The following VGLL3 variants were observed in gnomAD, a reference collection of about 807,000 sequenced individuals.
VGLL3 encodes the protein vestigial like family member 3, also known as transcription cofactor vestigial-like protein 3.
Under a neutral mutation model 29.2 loss-of-function variants are expected in VGLL3, and 18 were observed. The observed-to-expected ratio is 0.62, with a 90% CI of 0.43 to 0.91. The LOEUF (loss-of-function observed/expected upper bound fraction) is 0.91, where lower values mean the gene tolerates loss of function less well. VGLL3 is among the 40% of genes least tolerant of loss of function. The pLI, the probability that VGLL3 is intolerant of heterozygous loss-of-function variation, is 0.00. For missense variants in VGLL3, 440 were observed against 413.2 expected (o/e 1.06, Z -0.56); for synonymous variants, 180 against 151.8 (o/e 1.19, Z -1.36).
In VGLL3 at chr3:86,952,369, C is replaced by G. The variant is rs537246893; in HGVS notation, c.938-5302G>C. ...TCAGAGTCATAACCCACTAAATAAA[C>G]ATGCTCTACTTCTGAGAAAGTATAG... On this transcript the variant is annotated intron_variant, in intron 3 of 3. Transcript: ENST00000398399. Among the ~76,000 whole-genome samples the G allele has an allele frequency of 2.0e-5, 3 of 152,284 alleles. No homozygotes were observed. In the East Asian group the frequency reaches 5.8e-4, roughly 29 times the overall value.
chr3:86,966,920 C>T (rs985399816), intron 3 of VGLL3, among the ~76,000 whole-genome samples: 3 of 149,880 alleles, frequency 2.0e-5, no homozygotes, highest in African/African-American at 7.4e-5. Flanking sequence ...CAACTGGGTC[C>T]TCTCAAGAAT....
chr3:86,966,773 G>GTA (rs55986686), intron 3 of VGLL3, among the ~76,000 whole-genome samples: 576 of 37,896 alleles, frequency 0.015, 13 homozygotes, highest in Non-Finnish European at 0.018. Context: ...GTGTGTGTGT[G>GTA]TATATATATA....
At chr3:86,971,944 A>G (rs773682200) in intron 2 of VGLL3, among the ~76,000 whole-genome samples, 1 of 152,174 alleles carries the variant, frequency 6.6e-6, no homozygotes, top group Non-Finnish European at 1.5e-5. Flanking sequence ...CTAGAATCCT[A>G]TTATGAAAAC....
intron 1 of VGLL3, among the ~76,000 whole-genome samples, chr3:86,984,730 G>A (rs1705399874): frequency 6.6e-6 from 1 of 151,986 alleles, no homozygotes. Context: ...CAGAAATTAT[G>A]CAAAGACTTG....
intron 1 of VGLL3, among the ~76,000 whole-genome samples, chr3:86,989,535 T>C (rs1705534193): frequency 6.6e-6 from 1 of 152,170 alleles, no homozygotes. Context: ...ATACAGAAAG[T>C]AAAATGTCAG....
intron 1 of VGLL3, 62 bp from the exon 2 acceptor site, chr3:86,978,864 A>G: frequency 1.4e-6 from 2 of 1,476,800 alleles, no homozygotes; most frequent in South Asian, 2.8e-5. Context: ...TTCACTAGTT[A>G]AGTTTTCACT....
intron 3 of VGLL3, among the ~76,000 whole-genome samples, chr3:86,951,973 A>C (rs891522330): frequency 6.6e-6 from 1 of 152,176 alleles, no homozygotes; most frequent in Non-Finnish European, 1.5e-5. Flanking sequence ...TTGTATAGAG[A>C]ATGCCTGGAG....
In VGLL3 at chr3:86,991,038, T is replaced by A; in HGVS notation, c.-295A>T. 1.4e-6 allele frequency: 1 copy of A among 693,958 alleles called. No individual in the cohort carries two copies. The highest frequency in any genetic ancestry group is 1.8e-6 in the Non-Finnish European group (1 of 560,052). The allele number at this position is 693,958 out of a possible 1,614,324, so 43.0% of individuals were successfully genotyped here. On this transcript the variant is annotated 5_prime_UTR_variant, in exon 1 of 4. Transcript: ENST00000398399. ...GCCGCCCGCTGCGCCGCTGGGGCAT[T>A]ACCGCGTCCGGCTCCCGCGAGGGCT...
At chr3:86,952,436 T>C (rs979816487) in intron 3 of VGLL3, among the ~76,000 whole-genome samples, 3 of 152,160 alleles carry the variant, frequency 2.0e-5, no homozygotes, top group African/African-American at 4.8e-5. Flanking sequence ...TTAAGTAAGT[T>C]GAATATGCTT....
intron 3 of VGLL3, chr3:86,962,245 C>G: frequency 1.0e-6 from 1 of 985,394 alleles, no homozygotes; most frequent in Non-Finnish European, 1.2e-6. Flanking sequence ...GTATGTAATA[C>G]CTGTTCAACA....
chr3:86,966,774 T>TATATATATATAC (rs1704971098), intron 3 of VGLL3, among the ~76,000 whole-genome samples: 1 of 8,076 alleles, frequency 1.2e-4, no homozygotes, highest in African/African-American at 5.9e-4. Context: ...TGTGTGTGTG[T>TATATATATATAC]ATATATATAT....
chr3:86,965,778 C>G (rs1036231883), intron 3 of VGLL3, among the ~76,000 whole-genome samples: 1 of 152,116 alleles, frequency 6.6e-6, no homozygotes, highest in Non-Finnish European at 1.5e-5. Flanking sequence ...CCCCTTGACC[C>G]CAGGCAGAAC....
intron 3 of VGLL3, among the ~76,000 whole-genome samples, chr3:86,957,052 A>C (rs1704739811): frequency 1.3e-5 from 2 of 152,232 alleles, no homozygotes; most frequent in Admixed American, 1.3e-4. Context: ...GGGATGAATA[A>C]ATATCTCAAC....
intron 3 of VGLL3, among the ~76,000 whole-genome samples, chr3:86,952,227 A>T (rs1222117915): frequency 6.6e-6 from 1 of 152,182 alleles, no homozygotes; most frequent in Non-Finnish European, 1.5e-5. Flanking sequence ...TTGAACTAAG[A>T]ATAAACATAA....
At chr3:86,966,797 A>G (rs539632721) in intron 3 of VGLL3, among the ~76,000 whole-genome samples, 1 of 109,476 alleles carries the variant, frequency 9.1e-6, no homozygotes, top group African/African-American at 3.6e-5. Flanking sequence ...ATATATATAT[A>G]TATATATATA....
At chr3:86,978,022 A>G (rs926984976) in intron 2 of VGLL3, among the ~76,000 whole-genome samples, 9 of 152,254 alleles carry the variant, frequency 5.9e-5, no homozygotes, top group African/African-American at 2.2e-4. Flanking sequence ...CAAAATGCCT[A>G]GAGTGTATAC....
intron 2 of VGLL3, among the ~76,000 whole-genome samples, chr3:86,972,193 T>C (rs1026994753): frequency 1.1e-4 from 16 of 152,222 alleles, no homozygotes; most frequent in African/African-American, 3.9e-4. Flanking sequence ...ATTTATGAAG[T>C]ACTGTACCAT....
In VGLL3 at chr3:86,945,437, T is replaced by A. The variant is rs929118004; in HGVS notation, c.*1587A>T. On this transcript the variant is annotated 3_prime_UTR_variant, in exon 4 of 4. Transcript: ENST00000398399. ...TGGGTGGAGAGAAAAATGGGAGAAATTTGAAAAAACCTCTTTATAAAGCTA... is the reference window on the plus strand; with the variant it reads ...TGGGTGGAGAGAAAAATGGGAGAAAATTGAAAAAACCTCTTTATAAAGCTA... The A allele has an allele frequency of 6.6e-6, 1 of 151,970 alleles. No individual in the cohort carries two copies. The allele number at this position is 151,970 out of a possible 1,614,324, so 9.4% of individuals were successfully genotyped here.
intron 3 of VGLL3, 69 bp from the exon 4 acceptor site, chr3:86,947,136 C>A (rs893882014): frequency 1.3e-6 from 1 of 775,162 alleles, no homozygotes; most frequent in Admixed American, 1.7e-5. Flanking sequence ...TAAGCATAAT[C>A]TGCAATACAT....
Sources: allele counts gnomAD v4.1 joint callset (sites outside exome capture counted in the v4.1 genomes callset), GRCh38; gene constraint gnomAD v4.1.1; transcripts MANE v1.5; gene names NCBI Gene and HGNC (gene_info 2026-07-23, HGNC 2026-07-21).